IGSF10: variants seen among roughly 807,000 people sequenced by gnomAD.
The protein encoded by IGSF10 is calvaria mechanical force protein 608.
IGSF10 carries 126 observed loss-of-function variants against 128.2 expected under a neutral mutation model. The observed-to-expected ratio is 0.98, with a 90% CI of 0.85 to 1.14. The LOEUF (loss-of-function observed/expected upper bound fraction) is 1.14, where lower values mean the gene tolerates loss of function less well. Among genes scored for constraint, IGSF10 ranks in the 50% most tolerant of loss-of-function variants. IGSF10 has a pLI of 0.00. For synonymous variants in IGSF10, 1,185 were observed against 1,146.2 expected (o/e 1.03, Z -0.68); for missense variants, 3,295 against 3,149.8 (o/e 1.05, Z -1.10).
chr3:151,512,949 C>A, the IGSF10 span, among the ~76,000 whole-genome samples: 1 of 152,038 alleles, frequency 6.6e-6, no homozygotes, highest in Non-Finnish European at 1.5e-5. Context: ...CAATAACAGG[C>A]TCTGAAATTG....
chr3:151,495,119 T>A, the IGSF10 span, among the ~76,000 whole-genome samples: 1 of 152,176 alleles, frequency 6.6e-6, no homozygotes, highest in African/African-American at 2.4e-5. Context: ...ACATTTATAC[T>A]TTCTGACACA....
chr3:151,598,583 A>G, the IGSF10 span, among the ~76,000 whole-genome samples: 514 of 152,332 alleles, frequency 3.4e-3, 5 homozygotes, highest in African/African-American at 0.012. Flanking sequence ...TGTACTTTAA[A>G]TAACCTCTAG....
chr3:151,609,316 C>A, the IGSF10 span, among the ~76,000 whole-genome samples: 4 of 152,122 alleles, frequency 2.6e-5, no homozygotes, highest in Non-Finnish European at 5.9e-5. Flanking sequence ...GTAGCTTATG[C>A]TAGAGTTGGA....
chr3:151,453,783 T>TA lies in IGSF10; in HGVS notation c.325-10dup, dbSNP rs755437201. 85 of 1,435,896 alleles carry TA rather than the reference T, an allele frequency of 5.9e-5. No homozygotes were observed. The highest frequency in any genetic ancestry group is 2.5e-4 in the South Asian group (18 of 72,086). 88.9% of individuals were successfully genotyped at this position (1,435,896 alleles called of 1,614,324 possible). On this transcript the variant is annotated splice_polypyrimidine_tract_variant and intron_variant, in intron 4 of 7. Coordinates refer to ENST00000282466, the MANE Select transcript of IGSF10 (RefSeq NM_178822.5). ...TAGCTCATTTTTAAGACCTATGAAT[T>TA]AAAAAAAAGAACATATTTATGTTGT...
the IGSF10 span, among the ~76,000 whole-genome samples, chr3:151,501,405 G>GA: frequency 6.6e-6 from 1 of 151,780 alleles, no homozygotes. Flanking sequence ...TCCAGGATTA[G>GA]AAAAAGGACA....
the IGSF10 span, among the ~76,000 whole-genome samples, chr3:151,514,008 G>T: frequency 6.6e-6 from 1 of 152,148 alleles, no homozygotes; most frequent in Non-Finnish European, 1.5e-5. Flanking sequence ...CATGCTCATG[G>T]ATAGGAAGAA....
At chr3:151,489,416 AT>A in the IGSF10 span, among the ~76,000 whole-genome samples, 4 of 152,212 alleles carry the variant, frequency 2.6e-5, no homozygotes, top group Non-Finnish European at 4.4e-5. Context: ...CAGTGTGGTG[AT>A]TCCTCAGGGA....
the IGSF10 span, among the ~76,000 whole-genome samples, chr3:151,581,570 C>G: frequency 6.6e-6 from 1 of 152,164 alleles, no homozygotes; most frequent in Non-Finnish European, 1.5e-5. Context: ...TCTGAAGCTT[C>G]CACCATGTAA....
the IGSF10 span, among the ~76,000 whole-genome samples, chr3:151,509,653 G>A: frequency 1.3e-4 from 20 of 152,334 alleles, no homozygotes; most frequent in South Asian, 8.3e-4. Flanking sequence ...GCAGCGCACC[G>A]TGCATGAGCT....
chr3:151,448,259 T>TTTGG lies in IGSF10; in HGVS notation c.1721_1722insCCAA (p.Glu574AspfsTer17). On this transcript the variant is annotated frameshift_variant, in exon 6 of 8. Transcript: ENST00000282466. LOFTEE classifies it high-confidence loss of function. ...GATGAATCCCATTTTCCTGATAGGC[T>TTTGG]TCGACCAAAGGTTCTACCACAGTTA... 1 of 1,614,232 alleles carries TTTGG rather than the reference T, an allele frequency of 6.2e-7. No individual in the cohort carries two copies. Among genetic ancestry groups the TTTGG allele is most frequent in the Non-Finnish European group, 8.5e-7 (1 of 1,180,040 alleles).
the IGSF10 span, among the ~76,000 whole-genome samples, chr3:151,514,686 CA>C: frequency 6.6e-6 from 1 of 152,088 alleles, no homozygotes; most frequent in African/African-American, 2.4e-5. Flanking sequence ...AGGCAACTTA[CA>C]AAATGGGAGA....
chr3:151,599,859 T>TC, the IGSF10 span, among the ~76,000 whole-genome samples: 1 of 152,168 alleles, frequency 6.6e-6, no homozygotes, highest in Admixed American at 6.5e-5. Context: ...CTGGCCCACC[T>TC]CTGGTCTAAA....
At chr3:151,487,944 A>T in the IGSF10 span, among the ~76,000 whole-genome samples, 5 of 152,086 alleles carry the variant, frequency 3.3e-5, no homozygotes, top group Non-Finnish European at 7.4e-5. Context: ...CTCTCTCACC[A>T]CTCCTATTAA....
At chr3:151,458,342 C>G (rs1011171607) in intron 3 of IGSF10, among the ~76,000 whole-genome samples, 174 bp downstream of exon 3, 1 of 152,010 alleles carries the variant, frequency 6.6e-6, no homozygotes, top group Non-Finnish European at 1.5e-5. Context: ...AAAAGTTTAC[C>G]AGGAAAAGTT....
At chr3:151,537,554 T>C in the IGSF10 span, among the ~76,000 whole-genome samples, 1 of 152,152 alleles carries the variant, frequency 6.6e-6, no homozygotes. Context: ...GATGAAGCAC[T>C]TGACTAATTA....
chr3:151,570,451 A>G, the IGSF10 span, among the ~76,000 whole-genome samples: 1 of 151,992 alleles, frequency 6.6e-6, no homozygotes, highest in Admixed American at 6.5e-5. Flanking sequence ...ATGGTATCTC[A>G]TTGTGGTTTT....
the IGSF10 span, among the ~76,000 whole-genome samples, chr3:151,613,873 T>G: frequency 2.0e-5 from 3 of 152,006 alleles, no homozygotes; most frequent in Non-Finnish European, 4.4e-5. Flanking sequence ...GAAACTACCA[T>G]CAGAATGAAC....
At chr3:151,557,146 A>T in the IGSF10 span, among the ~76,000 whole-genome samples, 2 of 152,184 alleles carry the variant, frequency 1.3e-5, no homozygotes, top group East Asian at 3.8e-4. Flanking sequence ...AACAGGAAAA[A>T]AGCTATACAT....
Position 151,436,878 on chromosome 3 carries a change from T to G in IGSF10, c.7683A>C (p.Thr2561=), listed in dbSNP as rs2172250. 1 of 1,614,038 alleles carries G rather than the reference T, an allele frequency of 6.2e-7. No homozygotes were observed. The highest frequency in any genetic ancestry group is 1.1e-5 in the South Asian group (1 of 91,070). Residue 2561 remains threonine, a synonymous_variant, in exon 8 of 8, where the codon ACA becomes ACC. Transcript: ENST00000282466. ...GAAGGGAGTGGTCAGGCATCTCCCA[T>G]GTGATTTCTGGCTTGGGAACTCCCA... ...VALGVPKPEI[T]WEMPDHSLLS...
Sources: allele counts gnomAD v4.1 joint callset (sites outside exome capture counted in the v4.1 genomes callset), GRCh38; gene constraint gnomAD v4.1.1; transcripts MANE v1.5; gene names NCBI Gene and HGNC (gene_info 2026-07-23, HGNC 2026-07-21).